The following MCF2L variants were observed in gnomAD, a reference collection of about 807,000 sequenced individuals.
MCF2L encodes guanine nucleotide exchange factor DBS.
In MCF2L, 97 loss-of-function variants were observed where a neutral mutation model predicts 153.4. That is an observed-to-expected ratio of 0.63 (90% CI 0.54 to 0.75). The LOEUF (loss-of-function observed/expected upper bound fraction) is 0.75, where lower values mean the gene tolerates loss of function less well. MCF2L is among the 30% of genes least tolerant of loss of function. The pLI is 0.00. For missense variants in MCF2L, 1,347 were observed against 1,495.2 expected, an observed-to-expected ratio of 0.90 and a Z score of 1.64; for synonymous variants, 659 against 632.2, an observed-to-expected ratio of 1.04 and a Z score of -0.64.
chr13:113,069,934 G>T (rs117505260), intron 8 of MCF2L, 125 bp from the exon 9 acceptor site: 13,088 of 597,658 alleles, frequency 0.022, 187 homozygotes, highest in Non-Finnish European at 0.031. Context: ...GGAGTGAGCG[G>T]AGGCCAGGAT....
At chr13:112,920,199 C>T (rs1311670794) in intron 2 of MCF2L, among the ~76,000 whole-genome samples, 6 of 152,152 alleles carry the variant, frequency 3.9e-5, no homozygotes, top group Admixed American at 6.5e-5. Context: ...GAAGAGCTCA[C>T]GTATGGGTAC....
rs1164869761 is a variant in MCF2L, at chr13:113,090,360, AGGCGAGCTTTTCAAAT to A, written c.2953+635_2953+650del. The A allele has an allele frequency of 8.1e-6, 8 of 985,452 alleles. No individual in the cohort carries two copies. In the African/African-American group the frequency reaches 8.7e-5, roughly 11 times the overall value. The allele number at this position is 985,452 out of a possible 1,614,324, so 61.0% of individuals were successfully genotyped here. On this transcript the variant is annotated intron_variant, in intron 26 of 29. Coordinates refer to ENST00000535094, the MANE Select transcript of MCF2L (RefSeq NM_001112732.3). ...AGGTGGCTTTCCTTCGGGAAAATGAAGGCGAGCTTTTCAAATGGAGGCTTGCTCAGAAACGGAGCTG... is the reference window on the plus strand; with the variant it reads ...AGGTGGCTTTCCTTCGGGAAAATGAAGGAGGCTTGCTCAGAAACGGAGCTG...
At chr13:113,048,126 A>G (rs546817663) in intron 4 of MCF2L, among the ~76,000 whole-genome samples, 6 of 152,356 alleles carry the variant, frequency 3.9e-5, no homozygotes, top group South Asian at 4.1e-4. Context: ...CAGACCCGTG[A>G]TTTAGGTGTC....
intron 1 of MCF2L, among the ~76,000 whole-genome samples, chr13:112,899,909 G>A (rs1023721345): frequency 2.0e-5 from 3 of 152,236 alleles, no homozygotes; most frequent in Admixed American, 2.0e-4. Context: ...AGGAATGCTT[G>A]CAGGGTCTTG....
In MCF2L at chr13:113,096,415, C is replaced by T. The variant is rs1448642507; in HGVS notation, c.3120C>T (p.Gly1040=). 34 of 1,594,964 alleles carry T rather than the reference C, an allele frequency of 2.1e-5. No individual in the cohort carries two copies. The highest frequency in any genetic ancestry group is 2.7e-5 in the African/African-American group (2 of 74,606). The part of the protein sequence containing the change: ...YTVVADHEKG[G]PDALRVRSGD... ...TCGTGGCGGACCACGAGAAGGGAGGCCCCGATGCGCTGCGCGTGAGGAGCG... is the reference window on the plus strand; with the variant it reads ...TCGTGGCGGACCACGAGAAGGGAGGTCCCGATGCGCTGCGCGTGAGGAGCG... Residue 1040 remains glycine, a synonymous_variant, in exon 28 of 30, where the codon GGC becomes GGT. Transcript: ENST00000535094.
At chr13:112,972,605 G>T (rs2140837263) in intron 1 of MCF2L, among the ~76,000 whole-genome samples, 1 of 147,150 alleles carries the variant, frequency 6.8e-6, no homozygotes, top group African/African-American at 2.5e-5. Context: ...TGGATGCTTG[G>T]ACGGATGAGT....
At chr13:113,066,978 C>G (rs1023728960) in intron 8 of MCF2L, among the ~76,000 whole-genome samples, 1 of 152,272 alleles carries the variant, frequency 6.6e-6, no homozygotes, top group African/African-American at 2.4e-5. Flanking sequence ...GCCCCGGGGA[C>G]TCGACGGCGC....
chr13:113,012,791 T>C (rs3011526), intron 1 of MCF2L, among the ~76,000 whole-genome samples: 2 of 93,750 alleles, frequency 2.1e-5, no homozygotes, highest in African/African-American at 8.4e-5. Flanking sequence ...GTGGACACTG[T>C]GATGCGGACG....
chr13:113,058,917 G>GTGTTTGGGTGCTGAGTGTTTCGGCAC (rs1566819564), intron 4 of MCF2L, among the ~76,000 whole-genome samples: 2 of 148,450 alleles, frequency 1.3e-5, no homozygotes, highest in Admixed American at 1.3e-4. Flanking sequence ...TAGGTGCTGA[G>GTGTTTGGGTGCTGAGTGTTTCGGCAC]TGTTTGGGTG....
intron 1 of MCF2L, among the ~76,000 whole-genome samples, chr13:112,997,888 AG>A (rs544287727): frequency 1.3e-4 from 20 of 152,376 alleles, no homozygotes; most frequent in African/African-American, 4.6e-4. Context: ...CTCTCCAGGC[AG>A]GGAGCACCTT....
intron 2 of MCF2L, among the ~76,000 whole-genome samples, chr13:112,955,049 C>A (rs2081740406): frequency 6.6e-6 from 1 of 152,194 alleles, no homozygotes; most frequent in African/African-American, 2.4e-5. Flanking sequence ...CAGAGCTCTG[C>A]TGAGTGACGG....
rs371259317 is a variant in MCF2L at position 112,991,440 on chromosome 13, G to T, written c.79+21982G>T. Among the ~76,000 whole-genome samples the T allele has an allele frequency of 8.0e-4, 122 of 151,844 alleles. 3 individuals are homozygous for T. In the South Asian group the frequency reaches 0.022, roughly 27 times the overall value. On this transcript the variant is annotated intron_variant, in intron 1 of 29. Transcript: ENST00000535094. The stretch of plus-strand genomic sequence containing the variant: ...AGGACCTGATTCACTGTGTTTTGGG[G>T]GGTGTCTCTCAGGATACGAACACCT...
intron 4 of MCF2L, chr13:113,052,805 A>G (rs11620552): frequency 0.38 from 57,011 of 151,122 alleles, 10,918 homozygotes; most frequent in South Asian, 0.43. Flanking sequence ...AGACACAGAC[A>G]TGTACACACA....
chr13:113,073,438 G>C (rs2033120455), intron 9 of MCF2L, among the ~76,000 whole-genome samples: 1 of 152,190 alleles, frequency 6.6e-6, no homozygotes, highest in African/African-American at 2.4e-5. Flanking sequence ...TCACTCATCA[G>C]CTGTGCCAGA....
At chr13:112,920,083 G>T (rs1218931436) in intron 2 of MCF2L, among the ~76,000 whole-genome samples, 1 of 151,126 alleles carries the variant, frequency 6.6e-6, no homozygotes, top group Non-Finnish European at 1.5e-5. Flanking sequence ...AGTTTTTCTG[G>T]GTCTCAAGTT....
chr13:112,903,984 G>C (rs2081145644), intron 2 of MCF2L, among the ~76,000 whole-genome samples: 1 of 152,156 alleles, frequency 6.6e-6, no homozygotes, highest in African/African-American at 2.4e-5. Flanking sequence ...CCTGACCTCT[G>C]CAACTGGAAG....
intron 2 of MCF2L, among the ~76,000 whole-genome samples, chr13:112,913,175 T>A (rs903118854): frequency 1.8e-5 from 2 of 109,584 alleles, no homozygotes; most frequent in African/African-American, 5.3e-5. Flanking sequence ...ATGGGGTGTG[T>A]CTGTGTGATT....
chr13:113,045,516 CT>C lies in MCF2L; in HGVS notation c.369+156del, dbSNP rs986046706. ...GTGGAGGCCGGCGCCAAGGCCCCCC[CT>C]GCTTGGGCTCCCAAGGCACTGGTGC... On this transcript the variant is annotated intron_variant, in intron 4 of 29. Coordinates refer to ENST00000535094, the MANE Select transcript of MCF2L (RefSeq NM_001112732.3). The surrounding 1 kb of genome is among the most constrained non-coding windows in gnomAD (Gnocchi z 4.2). The C allele has an allele frequency of 3.0e-6, 2 of 657,390 alleles. No homozygotes were observed. The highest frequency in any genetic ancestry group is 3.6e-5 in the African/African-American group (2 of 55,804). The allele number at this position is 657,390 out of a possible 1,614,324, so 40.7% of individuals were successfully genotyped here.
In MCF2L at chr13:113,020,523, C is replaced by T. The variant is rs192775005; in HGVS notation, c.164-4121C>T. On this transcript the variant is annotated intron_variant, in intron 2 of 29. Coordinates refer to ENST00000535094, the MANE Select transcript of MCF2L (RefSeq NM_001112732.3). ...CTCTTGGTTCTGGGGCAGGAAGTCC[C>T]GGATGAAGGCACCGGCAGATGTGCT... 2.6e-3 allele frequency among the ~76,000 whole-genome samples: 396 copies of T among 152,330 alleles called. 2 individuals carry two copies. The highest frequency in any genetic ancestry group is 8.6e-3 in the African/African-American group (356 of 41,578).
Sources: gnomAD v4.1 joint callset for allele counts (sites outside exome capture counted in the v4.1 genomes callset) on GRCh38, gnomAD v4.1.1 for gene constraint, Gnocchi (gnomAD v3.1) non-coding constraint, MANE v1.5 for transcripts, NCBI Gene and HGNC (gene_info 2026-07-23, HGNC 2026-07-21) for gene names.